ERG: variants seen among roughly 807,000 people sequenced by gnomAD.
ERG encodes the protein transcriptional regulator ERG.
In ERG, 9 loss-of-function variants were observed where a neutral mutation model predicts 55.3. The ratio of observed to expected loss-of-function variants is 0.16; its 90% CI spans 0.10 to 0.28. The LOEUF (loss-of-function observed/expected upper bound fraction) is 0.28, where lower values mean the gene tolerates loss of function less well. Ranked by LOEUF, ERG falls within the 10% of genes least tolerant of loss-of-function variation. The pLI is 1.00. For synonymous variants in ERG, 223 were observed against 237.3 expected (o/e 0.94, Z 0.55); for missense variants, 434 against 631.6 (o/e 0.69, Z 3.35).
intron 1 of ERG, among the ~76,000 whole-genome samples, chr21:38,584,493 A>G (rs1251374648): frequency 3.3e-5 from 5 of 152,230 alleles, no homozygotes; most frequent in Non-Finnish European, 7.3e-5. Flanking sequence ...CAGTCTGTAG[A>G]CACCTAGCTT....
chr21:38,392,399 C>T lies in ERG; in HGVS notation c.791G>A (p.Gly264Asp), dbSNP rs866293609. The T allele has an allele frequency of 1.3e-6, 2 of 1,567,140 alleles. No individual in the cohort carries two copies. The highest frequency in any genetic ancestry group is 1.4e-5 in the African/African-American group (1 of 73,912). ...PPRRSAWTGHGHPTPQSKAAQ... is the reference protein window; with the variant it reads ...PPRRSAWTGHDHPTPQSKAAQ... The stretch of plus-strand genomic sequence containing the variant: ...ACCTTTCGACTGGGGCGTGGGGTGG[C>T]CGTGACCGGTCCAGGCTGATCTCCT... The change falls in exon 7 of 10, where the codon GGC (glycine) becomes GAC (aspartate). Residue 264 changes from glycine to aspartate, a missense_variant. By Grantham distance (94) the Gly-to-Asp change is moderately conservative. Transcript: ENST00000288319.
upstream of ERG, among the ~76,000 whole-genome samples, chr21:38,501,209 G>A (rs181629255): frequency 2.0e-3 from 310 of 151,748 alleles, 1 homozygote; most frequent in Non-Finnish European, 3.4e-3. Flanking sequence ...GGGACTGCAG[G>A]CGCCCGCCAC....
At chr21:38,613,035 C>T (rs60393496) in intron 1 of ERG, among the ~76,000 whole-genome samples, 24,725 of 152,044 alleles carry the variant, frequency 0.16, 2,151 homozygotes, top group East Asian at 0.29. Flanking sequence ...TACTAACAGG[C>T]GGGGCCCATT....
intron 1 of ERG, among the ~76,000 whole-genome samples, chr21:38,497,458 A>G (rs973508433): frequency 6.6e-6 from 1 of 152,214 alleles, no homozygotes; most frequent in South Asian, 2.1e-4. Context: ...TACAAATGTC[A>G]CGAAGGCATG....
chr21:38,449,185 A>G (rs1042466704), intron 1 of ERG: 1 of 152,204 alleles, frequency 6.6e-6, no homozygotes, highest in Non-Finnish European at 1.5e-5. Context: ...TGGCATAATC[A>G]TTTCATATGC....
chr21:38,558,816 T>A (rs2146831242), intron 2 of ERG, among the ~76,000 whole-genome samples: 1 of 152,252 alleles, frequency 6.6e-6, no homozygotes, highest in African/African-American at 2.4e-5. Flanking sequence ...AAGCCACATT[T>A]AAGAGAAATG....
Position 38,380,854 on chromosome 21 carries a change from A to G in ERG, c.*2549T>C. On this transcript the variant is annotated 3_prime_UTR_variant, in exon 10 of 10. Coordinates refer to ENST00000288319, the MANE Select transcript of ERG (RefSeq NM_182918.4). ...TCTTGCTCATGAGACAGTCTTGAAGAGAGAACTGAGTGATTATCCAAGTAA... is the reference window on the plus strand; with the variant it reads ...TCTTGCTCATGAGACAGTCTTGAAGGGAGAACTGAGTGATTATCCAAGTAA... 9.4e-7 allele frequency: 1 copy of G among 1,065,296 alleles called. No homozygotes were observed. Among genetic ancestry groups the G allele is most frequent in the South Asian group, 4.6e-5 (1 of 21,978 alleles). 66.0% of individuals were successfully genotyped at this position (1,065,296 alleles called of 1,614,324 possible).
At chr21:38,581,478 GGCA>G (rs2060028309) in intron 1 of ERG, among the ~76,000 whole-genome samples, 1 of 152,194 alleles carries the variant, frequency 6.6e-6, no homozygotes, top group South Asian at 2.1e-4. Flanking sequence ...GTTCTAAGAA[GGCA>G]GCAGGTTGGT....
chr21:38,380,604 G>C lies in ERG; in HGVS notation c.*2799C>G. The C allele has an allele frequency of 1.9e-6, 2 of 1,065,672 alleles. No individual in the cohort carries two copies. Among genetic ancestry groups the C allele is most frequent in the Non-Finnish European group, 2.3e-6 (2 of 879,522 alleles). 66.0% of individuals were successfully genotyped at this position (1,065,672 alleles called of 1,614,324 possible). ...TTCATGCAATTATGAATATGACCTG[G>C]AGGGGGCTTTGGAATTAGATTACAA... On this transcript the variant is annotated 3_prime_UTR_variant, in exon 10 of 10. Transcript: ENST00000288319.
At chr21:38,369,915 G>T in the ERG span, among the ~76,000 whole-genome samples, 1 of 152,126 alleles carries the variant, frequency 6.6e-6, no homozygotes, top group Non-Finnish European at 1.5e-5. Flanking sequence ...TTTTGTCCAA[G>T]ATCAGATGGT....
intron 1 of ERG, among the ~76,000 whole-genome samples, chr21:38,659,705 C>T (rs1300654322): frequency 6.6e-6 from 1 of 152,210 alleles, no homozygotes; most frequent in East Asian, 1.9e-4. Context: ...AGGAAACTAT[C>T]TTTAGATTAA....
In ERG at chr21:38,429,685, ATG is replaced by A. The variant is rs1486451134; in HGVS notation, c.237-6126_237-6125del. On this transcript the variant is annotated intron_variant, in intron 2 of 9. Coordinates refer to ENST00000288319, the MANE Select transcript of ERG (RefSeq NM_182918.4). ...TACATATATGTGTATATATGTATAT[ATG>A]TGTGTATACATGTATATGTGTGTGC... 2.2e-5 allele frequency among the ~76,000 whole-genome samples: 3 copies of A among 136,902 alleles called. 1 individual carries two copies. The highest frequency in any genetic ancestry group is 2.1e-4 in the South Asian group (1 of 4,734). 89.8% of individuals were successfully genotyped at this position (136,902 alleles called of 152,430 possible).
chr21:38,585,236 C>A (rs9636937), upstream of ERG, among the ~76,000 whole-genome samples: 5 of 152,118 alleles, frequency 3.3e-5, no homozygotes, highest in African/African-American at 7.2e-5. Context: ...AAAATGTTTT[C>A]TTTTCCTTAT....
downstream of ERG, among the ~76,000 whole-genome samples, chr21:38,378,938 C>T (rs1987313365): frequency 2.0e-5 from 3 of 152,092 alleles, no homozygotes; most frequent in Non-Finnish European, 2.9e-5. Flanking sequence ...TTAAGTGTAC[C>T]GTAGGGGCAG....
chr21:38,397,028 G>A lies in ERG; in HGVS notation c.745+3546C>T, dbSNP rs181708764. On this transcript the variant is annotated intron_variant, in intron 6 of 9. Transcript: ENST00000288319. ...CTGTCTCAATGCTAATTCAACAAAG[G>A]GGTTGTGAAAGAAGGTAAATCTTGA... is the stretch of plus-strand genomic sequence containing the variant. 7.0e-4 allele frequency among the ~76,000 whole-genome samples: 107 copies of A among 152,246 alleles called. 1 individual carries two copies. Among genetic ancestry groups the A allele is most frequent in the African/African-American group, 2.0e-3 (82 of 41,524 alleles).
chr21:38,408,615 G>A (rs1389457955), intron 3 of ERG, among the ~76,000 whole-genome samples: 4 of 152,180 alleles, frequency 2.6e-5, no homozygotes. Flanking sequence ...CTGGGTCCAG[G>A]CTGTCAGGTT....
chr21:38,645,154 G>A (rs556821125), intron 1 of ERG, among the ~76,000 whole-genome samples: 2 of 152,120 alleles, frequency 1.3e-5, no homozygotes, highest in South Asian at 4.2e-4. Flanking sequence ...ATGAGACTCT[G>A]TCTCAGAAAA....
intron 1 of ERG, among the ~76,000 whole-genome samples, chr21:38,639,856 G>C (rs1478719982): frequency 2.0e-5 from 3 of 152,174 alleles, no homozygotes; most frequent in Non-Finnish European, 2.9e-5. Flanking sequence ...AGGCTGACAG[G>C]ATAACCTGGA....
intron 2 of ERG, among the ~76,000 whole-genome samples, chr21:38,531,422 T>G (rs992701751): frequency 1.3e-5 from 2 of 152,190 alleles, no homozygotes; most frequent in African/African-American, 4.8e-5. Flanking sequence ...TTTACAGTGT[T>G]TGAGCCCTCC....
Sources: allele counts gnomAD v4.1 joint callset (sites outside exome capture counted in the v4.1 genomes callset), GRCh38; gene constraint gnomAD v4.1.1; transcripts MANE v1.5; gene names NCBI Gene and HGNC (gene_info 2026-07-23, HGNC 2026-07-21).